F12: variants seen among roughly 807,000 people sequenced by gnomAD.
The protein encoded by F12 is coagulation factor XII.
A neutral mutation model predicts 74.8 loss-of-function variants in F12; 70 were observed. The ratio of observed to expected loss-of-function variants is 0.94; its 90% confidence interval spans 0.77 to 1.14. The LOEUF (loss-of-function observed/expected upper bound fraction) is 1.14, where lower values mean the gene tolerates loss of function less well. Among genes scored for constraint, F12 ranks in the 50% most tolerant of loss-of-function variants. The probability of loss-of-function intolerance (pLI) is 0.00; values close to 1 mark genes in which losing one functional copy is unlikely to be tolerated. For missense variants in F12, 811 were observed against 835.7 expected (o/e 0.97, Z 0.36); for synonymous variants, 373 against 356.4 (o/e 1.05, Z -0.52).
Position 177,404,105 on chromosome 5 carries a change from G to T in F12, c.1019-15C>A. ...CGCCGGCAAGGCTGTGGAGGAGCAG[G>T]GGCTGAGGACGGAGAGCCCGCGGCC... is the stretch of plus-strand genomic sequence containing the variant. On this transcript the variant is annotated splice_polypyrimidine_tract_variant and intron_variant, in intron 9 of 13. Coordinates refer to ENST00000253496, the MANE Select transcript of F12 (RefSeq NM_000505.4). The T allele has an allele frequency of 6.3e-7, 1 of 1,599,448 alleles. No individual in the cohort carries two copies.
rs1561640989 is a variant in F12, at chr5:177,404,185, CA to C, written c.1018+10del. ...CCTCTCGGCTCCTCCTTCCCCCCCC[CA>C]CTTCCTAACCTCCCGGGGTCTGGGA... On this transcript the variant is annotated intron_variant, in intron 9 of 13. Coordinates refer to ENST00000253496, the MANE Select transcript of F12 (RefSeq NM_000505.4). 5 of 1,583,678 alleles carry C rather than the reference CA, an allele frequency of 3.2e-6. No individual in the cohort carries two copies. The highest frequency in any genetic ancestry group is 1.7e-4 in the Middle Eastern group (1 of 5,948).
intron 6 of F12, 68 bp from the exon 7 acceptor site, chr5:177,404,982 C>G: frequency 6.3e-7 from 1 of 1,590,228 alleles, no homozygotes; most frequent in Admixed American, 1.7e-5. Flanking sequence ...TCCTTCCTGG[C>G]ACACCACCCG....
intron 6 of F12, 33 bp from the exon 7 acceptor site, chr5:177,404,947 GC>G (rs1248578281): frequency 6.3e-7 from 1 of 1,586,468 alleles, no homozygotes. Flanking sequence ...CCACCCCTGG[GC>G]CTAAAGACCC....
At position 177,404,556 on chromosome 5, in the gene F12, C is replaced by T; in HGVS notation, c.743G>A (p.Arg248Gln). ...CQPWASEATY[R>Q]NVTAEQARNW... Reference sequence around the variant, plus strand: ...CCGCGCTTGCTCGGCAGTCACGTTCCGGTAGGTGGCCTCCGAGGCCCACGG... The same window carrying T: ...CCGCGCTTGCTCGGCAGTCACGTTCTGGTAGGTGGCCTCCGAGGCCCACGG... Residue 248 changes from arginine to glutamine, a missense_variant, in exon 8 of 14, where the codon CGG becomes CAG. Arg to Gln is a conservative substitution (Grantham distance 43). Transcript: ENST00000253496. 1 of 1,605,736 alleles carries T rather than the reference C, an allele frequency of 6.2e-7. No homozygotes were observed. Among genetic ancestry groups the T allele is most frequent in the Admixed American group, 1.7e-5 (1 of 58,860 alleles).
chr5:177,404,508 G>A lies in F12; in HGVS notation c.791C>T (p.Ala264Val), dbSNP rs773152439. Reference protein sequence around the residue: ...QARNWGLGGHAFCRNPDNDIR... With the variant: ...QARNWGLGGHVFCRNPDNDIR... ...GCCCCACGCGGCGCACCGGCAGAAG[G>A]CGTGGCCGCCCAGTCCCCAGTTCCG... The change falls in exon 8 of 14, where the codon GCC becomes GTC. Residue 264 changes from alanine to valine, a missense_variant. Coordinates refer to ENST00000253496, the MANE Select transcript of F12 (RefSeq NM_000505.4). 27 of 1,592,748 alleles carry A rather than the reference G, an allele frequency of 1.7e-5. No individual in the cohort carries two copies. Among genetic ancestry groups the A allele is most frequent in the South Asian group, 1.2e-4 (11 of 89,078 alleles).
intron 12 of F12, 200 bp downstream of exon 12, chr5:177,403,054 A>G (rs2127359058): frequency 1.3e-6 from 1 of 758,092 alleles, no homozygotes; most frequent in East Asian, 2.7e-5. Flanking sequence ...CTGTATCCCC[A>G]GGAGATTTGG....
At position 177,402,331 on chromosome 5, in the gene F12, G is replaced by C; in HGVS notation, c.1809C>G (p.Ala603=). The C allele has an allele frequency of 6.2e-7, 1 of 1,613,872 alleles. No homozygotes were observed. The highest frequency in any genetic ancestry group is 8.5e-7 in the Non-Finnish European group (1 of 1,180,012). ...RNKPGVYTDV[A]YYLAWIREHT... is the part of the protein sequence containing the mutation. ...GCTCCCGGATCCAGGCCAGGTAGTA[G>C]GCCACATCGGTGTAGACGCCTGGCT... Residue 603 remains alanine, a synonymous_variant, in exon 14 of 14, where the codon GCC becomes GCG. Transcript: ENST00000253496.
chr5:177,403,678 GC>G, intron 10 of F12, 61 bp from the exon 11 acceptor site: 2 of 1,575,518 alleles, frequency 1.3e-6, no homozygotes, highest in Non-Finnish European at 8.6e-7. Context: ...TTCTGGGGAA[GC>G]CCCCTGCTCC....
chr5:177,405,518 T>C, intron 4 of F12, 85 bp from the exon 5 acceptor site: 1 of 1,433,566 alleles, frequency 7.0e-7, no homozygotes, highest in Non-Finnish European at 9.6e-7. Flanking sequence ...CTACTTGCCT[T>C]GTGACCTTGC....
rs1044437343 is a variant in F12, at chr5:177,404,490, G to T, written c.800+9C>A. On this transcript the variant is annotated intron_variant, in intron 8 of 13. Transcript: ENST00000253496. ...GGGCGGAGGGGTCACCCAGCCCCAC[G>T]CGGCGCACCGGCAGAAGGCGTGGCC... The T allele has an allele frequency of 8.2e-6, 13 of 1,590,648 alleles. No individual in the cohort carries two copies. The highest frequency in any genetic ancestry group is 1.1e-5 in the Non-Finnish European group (13 of 1,169,004).
chr5:177,403,472 C>T lies in F12; in HGVS notation c.1387+9G>A. On this transcript the variant is annotated intron_variant, in intron 11 of 13. Coordinates refer to ENST00000253496, the MANE Select transcript of F12 (RefSeq NM_000505.4). ...TCTCTTCCCGTCCCCGCGGGGCGCC[C>T]CCACGCACCCAGGTCGTGCTGGTAG... 1.3e-6 allele frequency: 2 copies of T among 1,558,758 alleles called. No homozygotes were observed. The highest frequency in any genetic ancestry group is 1.7e-6 in the Non-Finnish European group (2 of 1,156,658).
Position 177,403,503 on chromosome 5 carries a change from G to T in F12, c.1365C>A (p.Pro455=). 1 of 1,571,312 alleles carries T rather than the reference G, an allele frequency of 6.4e-7. No individual in the cohort carries two copies. The change falls in exon 11 of 14, where the codon CCC becomes CCA. Residue 455 remains proline, a synonymous_variant. Transcript: ENST00000253496. ...CACCCAGGTCGTGCTGGTAGCTGAC[G>T]GGCGAGAAGGCCTCGTGCAAGCGGT... ...RSYRLHEAFS[P]VSYQHDLALL...
At chr5:177,406,184 T>C (rs1763285572) in intron 2 of F12, 123 bp from the exon 3 acceptor site, 1 of 924,308 alleles carries the variant, frequency 1.1e-6, no homozygotes. Flanking sequence ...GAAAACACTT[T>C]CTGCTCTAAA....
chr5:177,403,317 C>T lies in F12; in HGVS notation c.1468G>A (p.Gly490Ser). The change falls in exon 12 of 14, where the codon GGC becomes AGC. Residue 490 changes from glycine (G) to serine (S), a missense_variant. Coordinates refer to ENST00000253496, the MANE Select transcript of F12 (RefSeq NM_000505.4). ...GTGGTCTCGGAGGGTCGCGCGGCGC[C>T]GCTTGGCAGGCACACCGGCTGAACG... ...PYVQPVCLPS[G>S]AARPSETTLC... 4 of 1,599,488 alleles carry T rather than the reference C, an allele frequency of 2.5e-6. No homozygotes were observed. Among genetic ancestry groups the T allele is most frequent in the Non-Finnish European group, 3.4e-6 (4 of 1,179,790 alleles).
At chr5:177,402,927 C>T in intron 12 of F12, 1 of 692,722 alleles carries the variant, frequency 1.4e-6, no homozygotes, top group Non-Finnish European at 2.4e-6. Flanking sequence ...CCTCCCCCAC[C>T]ACCCATCCAG....
At chr5:177,404,174 CT>C (rs1452377847) in intron 9 of F12, 21 bp downstream of exon 9, 21 of 1,537,970 alleles carry the variant, frequency 1.4e-5, no homozygotes, top group Non-Finnish European at 1.8e-5. Flanking sequence ...TCGGCTCCTC[CT>C]TCCCCCCCCC....
At chr5:177,404,938 C>G (rs1482887828) in intron 6 of F12, 24 bp from the exon 7 acceptor site, 2 of 1,589,022 alleles carry the variant, frequency 1.3e-6, no homozygotes, top group Non-Finnish European at 1.7e-6. Context: ...CGCAGTGAGC[C>G]ACCCCTGGGC....
At chr5:177,408,751 G>A (rs1343808834) in intron 2 of F12, among the ~76,000 whole-genome samples, 2 of 152,240 alleles carry the variant, frequency 1.3e-5, no homozygotes, top group Non-Finnish European at 2.9e-5. Flanking sequence ...AGACGTACTG[G>A]GGAAAGGAAA....
rs1427342343 is a variant in F12, at chr5:177,406,012, C to A, written c.165G>T (p.Arg55=). The change falls in exon 3 of 14, where the codon CGG becomes CGT. Residue 55 remains arginine, a synonymous_variant. Transcript: ENST00000253496. ...EPCHFPFQYH[R]QLYHKCTHKG... is the part of the protein sequence containing the mutation. ...TGTGGGTACATTTGTGGTACAGCTGCCGGTGGTACTGGAAGGGGAAGTGGC... is the reference window on the plus strand; with the variant it reads ...TGTGGGTACATTTGTGGTACAGCTGACGGTGGTACTGGAAGGGGAAGTGGC... 1 of 1,614,092 alleles carries A rather than the reference C, an allele frequency of 6.2e-7. No homozygotes were observed. Among genetic ancestry groups the A allele is most frequent in the Non-Finnish European group, 8.5e-7 (1 of 1,180,026 alleles).
Sources: allele counts gnomAD v4.1 joint callset (sites outside exome capture counted in the v4.1 genomes callset), GRCh38; gene constraint gnomAD v4.1.1; transcripts MANE v1.5; gene names NCBI Gene and HGNC (gene_info 2026-07-23, HGNC 2026-07-21).